APBA1: variants seen among roughly 807,000 people sequenced by gnomAD.
The protein encoded by APBA1 is amyloid beta precursor protein binding family A member 1.
In APBA1, 55 loss-of-function variants were observed where a neutral mutation model predicts 86.6. The observed-to-expected ratio is 0.64, with a 90% CI of 0.51 to 0.80. The LOEUF (loss-of-function observed/expected upper bound fraction) is 0.80, where lower values mean the gene tolerates loss of function less well. Ranked by LOEUF, APBA1 falls within the 30% of genes least tolerant of loss-of-function variation. The pLI is 0.00. For synonymous variants in APBA1, 511 were observed against 493.9 expected (o/e 1.03, Z -0.46); for missense variants, 1,090 against 1,183.0 (o/e 0.92, Z 1.15).
chr9:69,470,142 C>A (rs1835343644), intron 4 of APBA1, among the ~76,000 whole-genome samples: 1 of 152,168 alleles, frequency 6.6e-6, no homozygotes, highest in South Asian at 2.1e-4. Flanking sequence ...GGTCTTATGT[C>A]ATTTATCCTT....
intron 2 of APBA1, among the ~76,000 whole-genome samples, chr9:69,486,647 T>C (rs1178134868): frequency 1.3e-5 from 2 of 151,962 alleles, no homozygotes; most frequent in African/African-American, 4.8e-5. Flanking sequence ...GAACACCATG[T>C]GGTCTTCACA....
chr9:69,572,266 AGTGT>A (rs1284578265), intron 1 of APBA1, among the ~76,000 whole-genome samples: 1 of 151,924 alleles, frequency 6.6e-6, no homozygotes, highest in Non-Finnish European at 1.5e-5. Flanking sequence ...GACAGGCCCC[AGTGT>A]GTGTTTTCCC....
intron 9 of APBA1, among the ~76,000 whole-genome samples, chr9:69,451,056 T>C (rs1418735154): frequency 6.6e-6 from 1 of 152,230 alleles, no homozygotes; most frequent in African/African-American, 2.4e-5. Context: ...TGGTACTTTG[T>C]GACAACAGCC....
At chr9:69,540,800 C>T (rs1269219994) in intron 1 of APBA1, among the ~76,000 whole-genome samples, 1 of 152,100 alleles carries the variant, frequency 6.6e-6, no homozygotes, top group Admixed American at 6.6e-5. Flanking sequence ...GGTCTCGCCA[C>T]ATTGCCCAGG....
At chr9:69,666,658 T>C (rs1446904182) in intron 1 of APBA1, among the ~76,000 whole-genome samples, 3 of 152,128 alleles carry the variant, frequency 2.0e-5, no homozygotes, top group Non-Finnish European at 4.4e-5. Context: ...CTCATTACAG[T>C]TGAAGTTCCA....
rs1201830114 is a variant in APBA1 at position 69,577,019 on chromosome 9, A to G, written c.-69-59740T>C. On this transcript the variant is annotated intron_variant, in intron 1 of 12. Coordinates refer to ENST00000265381, the MANE Select transcript of APBA1 (RefSeq NM_001163.4). ...CTTTCTAAAAATTGACAATAGTTGC[A>G]CATATCTATGGGGTACATGGTGATG... 2.0e-5 allele frequency among the ~76,000 whole-genome samples: 3 copies of G among 152,132 alleles called. No individual in the cohort carries two copies. The East Asian group carries it at 5.8e-4, about 29-fold the overall frequency.
chr9:69,534,038 C>A (rs1836471016), intron 1 of APBA1, among the ~76,000 whole-genome samples: 1 of 152,298 alleles, frequency 6.6e-6, no homozygotes, highest in African/African-American at 2.4e-5. Flanking sequence ...ATAATTACAA[C>A]AAGATGCTTA....
intron 1 of APBA1, among the ~76,000 whole-genome samples, chr9:69,561,924 G>A (rs1212141065): frequency 6.6e-6 from 1 of 152,102 alleles, no homozygotes; most frequent in African/African-American, 2.4e-5. Flanking sequence ...ACTGCGCCCT[G>A]CTGTCTAGGG....
At chr9:69,616,724 C>A (rs1031400447) in intron 1 of APBA1, among the ~76,000 whole-genome samples, 4 of 152,150 alleles carry the variant, frequency 2.6e-5, no homozygotes, top group Non-Finnish European at 4.4e-5. Flanking sequence ...AGTCACCAAT[C>A]ACTTCCTTCT....
At chr9:69,439,969 T>C (rs1349667369) in intron 11 of APBA1, among the ~76,000 whole-genome samples, 1 of 152,244 alleles carries the variant, frequency 6.6e-6, no homozygotes, top group Non-Finnish European at 1.5e-5. Flanking sequence ...TTGGTTTGGA[T>C]GTCCTTTCTG....
At chr9:69,611,256 C>T (rs1056512193) in intron 1 of APBA1, among the ~76,000 whole-genome samples, 11 of 137,388 alleles carry the variant, frequency 8.0e-5, no homozygotes, top group African/African-American at 1.3e-4. Context: ...ATAAAAATTG[C>T]TCTGTCTGAC....
rs191538859 is a variant in APBA1, at chr9:69,591,812, C to T, written c.-69-74533G>A. On this transcript the variant is annotated intron_variant, in intron 1 of 12. Transcript: ENST00000265381. ...CCTTGAGAGAGAAATGCTTTTGAAC[C>T]GAGGCCTTTCCCATGTGATAGGTAC... is the stretch of plus-strand genomic sequence containing the variant. 5.9e-5 allele frequency among the ~76,000 whole-genome samples: 9 copies of T among 152,290 alleles called. 1 individual carries two copies. In the South Asian group the frequency reaches 6.2e-4, roughly 11 times the overall value.
chr9:69,614,996 C>G (rs144485559), intron 1 of APBA1, among the ~76,000 whole-genome samples: 702 of 152,264 alleles, frequency 4.6e-3, no homozygotes, highest in Non-Finnish European at 6.1e-3. Flanking sequence ...GTCAGGAATT[C>G]AAAACCAGCC....
chr9:69,432,994 T>G (rs1834632163), intron 11 of APBA1, among the ~76,000 whole-genome samples: 1 of 152,176 alleles, frequency 6.6e-6, no homozygotes. Context: ...CGCCAGTGTT[T>G]CCAAACTGTC....
chr9:69,517,094 C>T lies in APBA1; in HGVS notation c.117G>A (p.Gln39=), dbSNP rs759286320. 3.8e-6 allele frequency: 6 copies of T among 1,579,138 alleles called. No individual in the cohort carries two copies. The highest frequency in any genetic ancestry group is 4.3e-6 in the Non-Finnish European group (5 of 1,167,380). Reference sequence around the variant, plus strand: ...CATAGTGCTGCTGCTGCGGCGGCTGCTGCTGTTCCTCTTCCACCTCGGGGT... The same window carrying T: ...CATAGTGCTGCTGCTGCGGCGGCTGTTGCTGTTCCTCTTCCACCTCGGGGT... ...LEHPEVEEEQ[Q]QPPQQQHYVG... Residue 39 remains glutamine, a synonymous_variant, in exon 2 of 13, where the codon CAG becomes CAA. Transcript: ENST00000265381.
At chr9:69,667,231 G>C (rs1353197688) in intron 1 of APBA1, among the ~76,000 whole-genome samples, 2 of 152,158 alleles carry the variant, frequency 1.3e-5, no homozygotes, top group Admixed American at 6.5e-5. Context: ...CTGCATTTAA[G>C]GGAATGAAGA....
intron 11 of APBA1, 81 bp downstream of exon 11, chr9:69,440,915 A>G (rs1380256152): frequency 6.5e-7 from 1 of 1,540,520 alleles, no homozygotes; most frequent in East Asian, 2.3e-5. Context: ...CTATTTAGCC[A>G]TCTTGGCTCC....
intron 2 of APBA1, among the ~76,000 whole-genome samples, chr9:69,490,393 G>A (rs7869454): frequency 4.0e-5 from 6 of 151,864 alleles, no homozygotes; most frequent in African/African-American, 1.2e-4. Context: ...ATTAATGGGT[G>A]CAGCACACCA....
At chr9:69,657,788 T>C (rs1182786252) in intron 1 of APBA1, among the ~76,000 whole-genome samples, 1 of 152,224 alleles carries the variant, frequency 6.6e-6, no homozygotes, top group African/African-American at 2.4e-5. Flanking sequence ...TGACTCCTGG[T>C]TTAACGTGAC....
Sources: gnomAD v4.1 joint callset for allele counts (sites outside exome capture counted in the v4.1 genomes callset) on GRCh38, gnomAD v4.1.1 for gene constraint, MANE v1.5 for transcripts, NCBI Gene and HGNC (gene_info 2026-07-23, HGNC 2026-07-21) for gene names.